PALM2AKAP2: variants seen among roughly 807,000 people sequenced by gnomAD.
The protein encoded by PALM2AKAP2 is PALM2 and AKAP2 fusion.
Under a neutral mutation model 71.5 loss-of-function variants are expected in PALM2AKAP2, and 37 were observed. The observed-to-expected ratio is 0.52, with a 90% CI of 0.40 to 0.68. PALM2AKAP2 has a LOEUF of 0.68. PALM2AKAP2 is among the 30% of genes least tolerant of loss of function. The pLI, the probability that PALM2AKAP2 is intolerant of heterozygous loss-of-function variation, is 0.00. For missense variants in PALM2AKAP2, 1,224 were observed against 1,191.8 expected (o/e 1.03, Z -0.40); for synonymous variants, 468 against 478.8 (o/e 0.98, Z 0.29).
At chr9:109,753,818 TTCAGCTC>T (rs5899867) in intron 1 of PALM2AKAP2, among the ~76,000 whole-genome samples, 46,121 of 151,872 alleles carry the variant, frequency 0.3, 7,098 homozygotes, top group East Asian at 0.39. Flanking sequence ...AGTAATTGAA[TTCAGCTC>T]TTAACTTTTT....
intron 1 of PALM2AKAP2, among the ~76,000 whole-genome samples, chr9:109,813,855 C>T (rs763399130): frequency 1.3e-5 from 2 of 152,198 alleles, no homozygotes; most frequent in Admixed American, 1.3e-4. Context: ...GTCTACAAGG[C>T]AGTGTAACAC....
intron 1 of PALM2AKAP2, among the ~76,000 whole-genome samples, chr9:109,715,246 A>G (rs1587879068): frequency 6.6e-6 from 1 of 152,316 alleles, no homozygotes; most frequent in Non-Finnish European, 1.5e-5. Flanking sequence ...TCCAGATGAG[A>G]ATACCTAAGA....
chr9:110,046,382 A>G (rs886540511), upstream of PALM2AKAP2, among the ~76,000 whole-genome samples: 4 of 152,120 alleles, frequency 2.6e-5, no homozygotes, highest in African/African-American at 9.7e-5. Context: ...AATATTCTAG[A>G]ACTTTAAAAT....
intron 1 of PALM2AKAP2, among the ~76,000 whole-genome samples, chr9:110,105,887 G>T (rs1194229195): frequency 1.3e-5 from 2 of 152,194 alleles, no homozygotes; most frequent in Non-Finnish European, 2.9e-5. Flanking sequence ...GGAATTAAAT[G>T]TAATGTTGTA....
chr9:109,787,920 G>T (rs1033658047), intron 1 of PALM2AKAP2, among the ~76,000 whole-genome samples: 2 of 152,216 alleles, frequency 1.3e-5, no homozygotes, highest in Non-Finnish European at 2.9e-5. Context: ...AGGATACTGT[G>T]AAGTAAGCCT....
At chr9:110,116,085 T>A (rs1461001999) in intron 1 of PALM2AKAP2, among the ~76,000 whole-genome samples, 18 of 152,296 alleles carry the variant, frequency 1.2e-4, no homozygotes, top group Non-Finnish European at 1.5e-5. Flanking sequence ...AGTCCACCAC[T>A]GACCTTAGAC....
At chr9:109,692,572 T>C (rs1029569119) in intron 1 of PALM2AKAP2, among the ~76,000 whole-genome samples, 3 of 151,930 alleles carry the variant, frequency 2.0e-5, no homozygotes, top group Non-Finnish European at 4.4e-5. Flanking sequence ...TAGCTATAGG[T>C]TTTTTATACA....
intron 6 of PALM2AKAP2, among the ~76,000 whole-genome samples, chr9:109,952,011 G>A (rs919684290): frequency 3.3e-5 from 5 of 152,210 alleles, no homozygotes; most frequent in South Asian, 4.1e-4. Flanking sequence ...CTGAAGACAC[G>A]TGGGGACTTT....
chr9:109,765,501 C>T (rs1037094342), intron 1 of PALM2AKAP2: 2 of 156,818 alleles, frequency 1.3e-5, no homozygotes, highest in African/African-American at 4.8e-5. Flanking sequence ...TCATCATCAT[C>T]ATCATCATCA....
At chr9:109,800,537 G>A (rs1389764554) in intron 1 of PALM2AKAP2, among the ~76,000 whole-genome samples, 1 of 152,118 alleles carries the variant, frequency 6.6e-6, no homozygotes, top group Non-Finnish European at 1.5e-5. Flanking sequence ...GCCACCCTTT[G>A]TTCCTATGTA....
chr9:109,821,781 T>TC (rs957768950), intron 1 of PALM2AKAP2, among the ~76,000 whole-genome samples: 8 of 151,822 alleles, frequency 5.3e-5, no homozygotes, highest in East Asian at 1.9e-4. Flanking sequence ...CCTCCTCATC[T>TC]CCCCCCTGGA....
intron 7 of PALM2AKAP2, among the ~76,000 whole-genome samples, chr9:110,041,500 A>G (rs769373744): frequency 1.3e-5 from 2 of 152,108 alleles, no homozygotes; most frequent in Admixed American, 6.6e-5. Flanking sequence ...AAGAGGCTCA[A>G]GCAGCTGCGG....
intron 6 of PALM2AKAP2, among the ~76,000 whole-genome samples, chr9:110,009,803 C>A (rs1832848129): frequency 6.6e-6 from 1 of 152,134 alleles, no homozygotes; most frequent in Non-Finnish European, 1.5e-5. Flanking sequence ...AGCCCAAATC[C>A]CTCTCCCTGC....
intron 3 of PALM2AKAP2, among the ~76,000 whole-genome samples, chr9:109,895,308 C>T (rs1217095124): frequency 6.6e-6 from 1 of 152,216 alleles, no homozygotes; most frequent in Non-Finnish European, 1.5e-5. Context: ...TGGGGCTGCT[C>T]TGTTAAGCAA....
At chr9:110,011,121 C>G (rs1408169811) in intron 6 of PALM2AKAP2, among the ~76,000 whole-genome samples, 3 of 137,998 alleles carry the variant, frequency 2.2e-5, no homozygotes, top group Admixed American at 7.6e-5. Flanking sequence ...TATTCTCTGT[C>G]TAGAATATAT....
intron 1 of PALM2AKAP2, among the ~76,000 whole-genome samples, chr9:109,801,021 G>A (rs1827415904): frequency 6.6e-6 from 1 of 152,230 alleles, no homozygotes; most frequent in South Asian, 2.1e-4. Context: ...GCCCAGTCTG[G>A]TTAATTACAA....
At chr9:109,718,786 T>C (rs1388499406) in intron 1 of PALM2AKAP2, among the ~76,000 whole-genome samples, 2 of 152,172 alleles carry the variant, frequency 1.3e-5, no homozygotes, top group African/African-American at 2.4e-5. Flanking sequence ...CCTACTCAGG[T>C]TGATGTTTTT....
At chr9:109,730,923 C>A (rs573451174) in intron 1 of PALM2AKAP2, among the ~76,000 whole-genome samples, 30 of 151,504 alleles carry the variant, frequency 2.0e-4, no homozygotes, top group African/African-American at 6.1e-4. Flanking sequence ...AAAAGGATAA[C>A]ATAACATCCC....
At chr9:109,815,546 G>A (rs1206570586) in intron 1 of PALM2AKAP2, among the ~76,000 whole-genome samples, 1 of 152,134 alleles carries the variant, frequency 6.6e-6, no homozygotes, top group African/African-American at 2.4e-5. Context: ...AAACAGGGGG[G>A]TAGGTGAAGA....
Sources: allele counts gnomAD v4.1 joint callset (sites outside exome capture counted in the v4.1 genomes callset), GRCh38; gene constraint gnomAD v4.1.1; transcripts MANE v1.5; gene names NCBI Gene and HGNC (gene_info 2026-07-23, HGNC 2026-07-21).